The following CRACR2A variants were observed in gnomAD, a reference collection of about 807,000 sequenced individuals.
CRACR2A encodes EF-hand calcium-binding domain-containing protein 4B.
CRACR2A carries 79 observed loss-of-function variants against 90.5 expected under a neutral mutation model. The ratio of observed to expected loss-of-function variants is 0.87; its 90% CI spans 0.73 to 1.05. CRACR2A has a LOEUF of 1.05. Among genes scored for constraint, CRACR2A ranks in the 50% least tolerant of loss-of-function variants. The pLI, the probability that CRACR2A is intolerant of heterozygous loss-of-function variation, is 0.00. For synonymous variants in CRACR2A, 338 were observed against 356.7 expected (o/e 0.95, Z 0.59); for missense variants, 823 against 897.2 (o/e 0.92, Z 1.06).
intron 3 of CRACR2A, among the ~76,000 whole-genome samples, chr12:3,704,363 A>C (rs1388334655): frequency 6.6e-6 from 1 of 152,226 alleles, no homozygotes; most frequent in Non-Finnish European, 1.5e-5. Flanking sequence ...AAGAAGTGAC[A>C]GTAGGCAGGA....
intron 1 of CRACR2A, among the ~76,000 whole-genome samples, chr12:3,752,273 G>T (rs1381271019): frequency 6.6e-6 from 1 of 152,134 alleles, no homozygotes; most frequent in African/African-American, 2.4e-5. Context: ...TTCCCACGTG[G>T]CAGGGTACAT....
intron 1 of CRACR2A, among the ~76,000 whole-genome samples, chr12:3,743,146 C>T (rs1946554552): frequency 6.6e-6 from 1 of 152,224 alleles, no homozygotes; most frequent in South Asian, 2.1e-4. Context: ...TTTCAAACTT[C>T]TGTAAATAGG....
chr12:3,745,804 A>ATAACATAAAATAACATAACATAAC (rs1946609635), intron 1 of CRACR2A, among the ~76,000 whole-genome samples: 1 of 4,540 alleles, frequency 2.2e-4, no homozygotes, highest in Non-Finnish European at 5.3e-4. Flanking sequence ...ATAAAATAAA[A>ATAACATAAAATAACATAACATAAC]TAAAATAAAA....
At chr12:3,631,200 A>C (rs992072968) in intron 15 of CRACR2A, among the ~76,000 whole-genome samples, 1 of 152,312 alleles carries the variant, frequency 6.6e-6, no homozygotes, top group Non-Finnish European at 1.5e-5. Context: ...GATGAAGGGC[A>C]TCCTGATTTG....
Position 3,648,623 on chromosome 12 carries a change from A to T in CRACR2A, c.1047-10T>A. On this transcript the variant is annotated splice_polypyrimidine_tract_variant and intron_variant, in intron 10 of 19. Transcript: ENST00000440314. ...CACACGGTACACTTCCCTGAGGAGG[A>T]GGCAAACACATGGCAGTGAGCTCCC... 1 of 1,609,132 alleles carries T rather than the reference A, an allele frequency of 6.2e-7. No individual in the cohort carries two copies. The highest frequency in any genetic ancestry group is 8.5e-7 in the Non-Finnish European group (1 of 1,176,274).
chr12:3,741,431 A>G (rs991497283), intron 1 of CRACR2A, among the ~76,000 whole-genome samples: 1 of 152,270 alleles, frequency 6.6e-6, no homozygotes, highest in Non-Finnish European at 1.5e-5. Context: ...AATTTCAGCC[A>G]AACTGATGAA....
At chr12:3,708,524 G>A (rs144517104) in intron 3 of CRACR2A, among the ~76,000 whole-genome samples, 1,982 of 152,096 alleles carry the variant, frequency 0.013, 43 homozygotes, top group African/African-American at 0.044. Flanking sequence ...TCCCGGGTTC[G>A]CGCCATTCTC....
At chr12:3,744,153 G>A (rs1254611849) in intron 1 of CRACR2A, among the ~76,000 whole-genome samples, 1 of 152,220 alleles carries the variant, frequency 6.6e-6, no homozygotes, top group East Asian at 1.9e-4. Flanking sequence ...CCAATTCTCT[G>A]CCTTGGGAGG....
chr12:3,687,851 C>T (rs1031474216), intron 4 of CRACR2A, among the ~76,000 whole-genome samples: 7 of 152,296 alleles, frequency 4.6e-5, no homozygotes, highest in African/African-American at 1.7e-4. Context: ...TTGCCAGCAC[C>T]TGTTATTTTT....
At chr12:3,661,549 A>G (rs992685919) in intron 7 of CRACR2A, among the ~76,000 whole-genome samples, 28 of 152,256 alleles carry the variant, frequency 1.8e-4, no homozygotes, top group Non-Finnish European at 3.7e-4. Flanking sequence ...TGGGATTGTT[A>G]CTTTTGCTCT....
At chr12:3,667,326 T>C (rs1945167723) in intron 7 of CRACR2A, among the ~76,000 whole-genome samples, 3 of 152,194 alleles carry the variant, frequency 2.0e-5, no homozygotes, top group Non-Finnish European at 4.4e-5. Flanking sequence ...GTAAAATAGA[T>C]AACTCCATAC....
chr12:3,752,260 G>A (rs1035047579), intron 1 of CRACR2A, among the ~76,000 whole-genome samples: 3 of 152,126 alleles, frequency 2.0e-5, no homozygotes, highest in African/African-American at 7.2e-5. Flanking sequence ...AACTCAGAGG[G>A]CTTTCCCACG....
At chr12:3,687,589 G>A (rs1398328306) in intron 4 of CRACR2A, among the ~76,000 whole-genome samples, 1 of 152,178 alleles carries the variant, frequency 6.6e-6, no homozygotes, top group East Asian at 1.9e-4. Flanking sequence ...TCTTTATCCA[G>A]TCTACCATTG....
intron 6 of CRACR2A, among the ~76,000 whole-genome samples, chr12:3,678,661 G>C (rs889265769): frequency 4.6e-5 from 7 of 152,040 alleles, no homozygotes; most frequent in Non-Finnish European, 7.4e-5. Flanking sequence ...GAAGGTAGAG[G>C]GGGTGGGAGA....
intron 1 of CRACR2A, among the ~76,000 whole-genome samples, chr12:3,733,976 T>TTTA: frequency 7.1e-6 from 1 of 139,950 alleles, no homozygotes; most frequent in Non-Finnish European, 1.6e-5. Flanking sequence ...TTGCCTTATT[T>TTTA]TTTTTTTTTT....
intron 3 of CRACR2A, among the ~76,000 whole-genome samples, chr12:3,698,318 A>G (rs977450673): frequency 1.3e-5 from 2 of 152,228 alleles, no homozygotes; most frequent in African/African-American, 4.8e-5. Flanking sequence ...GCTCTGGATC[A>G]TATTTCCTGT....
chr12:3,697,408 C>T (rs1945760516), intron 3 of CRACR2A, among the ~76,000 whole-genome samples: 1 of 152,160 alleles, frequency 6.6e-6, no homozygotes, highest in South Asian at 2.1e-4. Flanking sequence ...CATGCCATGG[C>T]CTCTATATAC....
At chr12:3,628,175 C>T (rs1232764597) in intron 15 of CRACR2A, among the ~76,000 whole-genome samples, 1 of 145,770 alleles carries the variant, frequency 6.9e-6, no homozygotes, top group East Asian at 2.2e-4. Flanking sequence ...CTCTTTCTTT[C>T]TCTCTTTCTT....
chr12:3,714,736 T>G (rs1946058208), intron 2 of CRACR2A, among the ~76,000 whole-genome samples: 1 of 152,202 alleles, frequency 6.6e-6, no homozygotes, highest in Non-Finnish European at 1.5e-5. Flanking sequence ...AAGATTGGCC[T>G]ACCTACATTA....
Sources: gnomAD v4.1 joint callset for allele counts (sites outside exome capture counted in the v4.1 genomes callset) on GRCh38, gnomAD v4.1.1 for gene constraint, MANE v1.5 for transcripts, NCBI Gene and HGNC (gene_info 2026-07-23, HGNC 2026-07-21) for gene names.